HTR1F: variants seen among roughly 807,000 people sequenced by gnomAD.
HTR1F encodes the protein 5-hydroxytryptamine (serotonin) receptor 1F, G protein-coupled.
Under a neutral mutation model 24.0 loss-of-function variants are expected in HTR1F, and 17 were observed. The observed-to-expected ratio is 0.71, with a 90% CI of 0.48 to 1.06. The LOEUF is 1.06. Among genes scored for constraint, HTR1F ranks in the 50% least tolerant of loss-of-function variants. HTR1F has a pLI of 0.00. For missense variants in HTR1F, 391 were observed against 427.8 expected (o/e 0.91, Z 0.76); for synonymous variants, 186 against 156.8 (o/e 1.19, Z -1.39).
chr3:87,903,434 A>G (rs1706379121), intron 2 of HTR1F, among the ~76,000 whole-genome samples: 1 of 152,148 alleles, frequency 6.6e-6, no homozygotes, highest in South Asian at 2.1e-4. Context: ...TACAGAAAAA[A>G]ACAAACAACC....
At chr3:87,882,879 T>A (rs111790062) in intron 2 of HTR1F, among the ~76,000 whole-genome samples, 45 of 151,660 alleles carry the variant, frequency 3.0e-4, no homozygotes, top group Non-Finnish European at 5.9e-4. Flanking sequence ...AAAATAAATT[T>A]AAAAAAAAGG....
chr3:87,860,093 A>G (rs535723186), intron 2 of HTR1F, among the ~76,000 whole-genome samples: 4 of 152,318 alleles, frequency 2.6e-5, no homozygotes, highest in African/African-American at 9.6e-5. Context: ...GAAAATTTCA[A>G]AATACTCTGC....
chr3:87,946,801 G>A (rs2915293), intron 2 of HTR1F, among the ~76,000 whole-genome samples: 101,665 of 151,580 alleles, frequency 0.67, 34,300 homozygotes, highest in South Asian at 0.8. Context: ...AATTTTTTGT[G>A]TTTTTAGTAG....
At chr3:87,935,648 G>A (rs1704394269) in intron 2 of HTR1F, among the ~76,000 whole-genome samples, 1 of 152,070 alleles carries the variant, frequency 6.6e-6, no homozygotes, top group African/African-American at 2.4e-5. Context: ...TTAAAGTTGA[G>A]AATAATCTAA....
intron 2 of HTR1F, among the ~76,000 whole-genome samples, chr3:87,856,158 A>C (rs992530226): frequency 6.6e-6 from 1 of 152,062 alleles, no homozygotes; most frequent in Non-Finnish European, 1.5e-5. Flanking sequence ...ATTATTAGTT[A>C]CTATTAATCT....
At chr3:87,847,703 AC>A (rs1436869069) in intron 2 of HTR1F, among the ~76,000 whole-genome samples, 2 of 151,730 alleles carry the variant, frequency 1.3e-5, no homozygotes, top group South Asian at 2.1e-4. Flanking sequence ...GCCCTCGCCC[AC>A]CCTTCCAAGT....
chr3:87,857,022 T>C (rs546539557), intron 2 of HTR1F, among the ~76,000 whole-genome samples: 2 of 152,236 alleles, frequency 1.3e-5, no homozygotes, highest in African/African-American at 4.8e-5. Context: ...GACTTATTAG[T>C]GTTTTCATTT....
At chr3:87,905,912 G>A (rs1336567999) in intron 2 of HTR1F, among the ~76,000 whole-genome samples, 1 of 152,000 alleles carries the variant, frequency 6.6e-6, no homozygotes, top group Admixed American at 6.6e-5. Flanking sequence ...ATTAAGTCAA[G>A]ACAATGATTC....
chr3:87,855,371 C>T (rs143188647), intron 2 of HTR1F, among the ~76,000 whole-genome samples: 1 of 152,172 alleles, frequency 6.6e-6, no homozygotes, highest in African/African-American at 2.4e-5. Context: ...GGATCAAGCT[C>T]TTCCTAGAAA....
intron 2 of HTR1F, among the ~76,000 whole-genome samples, chr3:87,877,657 A>G (rs1705700497): frequency 6.6e-6 from 1 of 152,180 alleles, no homozygotes; most frequent in Admixed American, 6.6e-5. Flanking sequence ...GTGATATCCA[A>G]GATCCCAACT....
chr3:87,927,818 T>C (rs1704163858), intron 2 of HTR1F, among the ~76,000 whole-genome samples: 1 of 152,148 alleles, frequency 6.6e-6, no homozygotes, highest in South Asian at 2.1e-4. Flanking sequence ...ATGCTATCAT[T>C]CTTCTCACAG....
intron 2 of HTR1F, among the ~76,000 whole-genome samples, chr3:87,984,016 T>C (rs1705607886): frequency 6.6e-6 from 1 of 152,208 alleles, no homozygotes; most frequent in Non-Finnish European, 1.5e-5. Flanking sequence ...AAACCTGGTG[T>C]CCTTACCATG....
chr3:87,969,971 G>A (rs939266288), intron 2 of HTR1F, among the ~76,000 whole-genome samples: 4 of 152,130 alleles, frequency 2.6e-5, no homozygotes, highest in Non-Finnish European at 5.9e-5. Flanking sequence ...TTTCTCTCTT[G>A]CCTGCTGCCA....
At chr3:87,968,238 G>A (rs923955021) in intron 2 of HTR1F, among the ~76,000 whole-genome samples, 11 of 151,502 alleles carry the variant, frequency 7.3e-5, no homozygotes, top group African/African-American at 2.2e-4. Flanking sequence ...TTGAGACAGA[G>A]TTTCACTCTT....
chr3:87,979,987 A>G (rs1187320413), intron 2 of HTR1F, among the ~76,000 whole-genome samples: 1 of 152,200 alleles, frequency 6.6e-6, no homozygotes, highest in East Asian at 1.9e-4. Context: ...GCCCTGGTTC[A>G]GGGAGCCCTT....
intron 2 of HTR1F, among the ~76,000 whole-genome samples, chr3:87,822,902 T>C (rs1704386955): frequency 6.6e-6 from 1 of 152,244 alleles, no homozygotes; most frequent in African/African-American, 2.4e-5. Flanking sequence ...ATTATTCATA[T>C]CAATTAGCCT....
In HTR1F at chr3:87,792,730, G is replaced by A. The variant is rs1410411769; in HGVS notation, c.-272G>A. The stretch of plus-strand genomic sequence containing the variant: ...CGCAGTCAGCGTCGCGGCCCCGAAA[G>A]CTGGCGACAGGCGCTGCTGTCTTCC... On this transcript the variant is annotated 5_prime_UTR_variant, in exon 1 of 3. Coordinates refer to ENST00000319595, the MANE Select transcript of HTR1F (RefSeq NM_001322209.2). 3.9e-5 allele frequency among the ~76,000 whole-genome samples: 6 copies of A among 152,222 alleles called. No homozygotes were observed. In the East Asian group the frequency reaches 9.7e-4, roughly 25 times the overall value.
At chr3:87,944,729 G>T (rs1405316202) in intron 2 of HTR1F, among the ~76,000 whole-genome samples, 1 of 152,224 alleles carries the variant, frequency 6.6e-6, no homozygotes, top group Non-Finnish European at 1.5e-5. Context: ...AAGTGGTGAG[G>T]TGTGCTCACA....
At chr3:87,861,399 GC>G (rs910423170) in intron 2 of HTR1F, among the ~76,000 whole-genome samples, 2 of 152,038 alleles carry the variant, frequency 1.3e-5, no homozygotes, top group African/African-American at 4.8e-5. Flanking sequence ...AGGATGAAGA[GC>G]TTTACCTCCT....
Sources: allele counts gnomAD v4.1 joint callset (sites outside exome capture counted in the v4.1 genomes callset), GRCh38; gene constraint gnomAD v4.1.1; transcripts MANE v1.5; gene names NCBI Gene and HGNC (gene_info 2026-07-23, HGNC 2026-07-21).